IGF1R: variants seen among roughly 807,000 people sequenced by gnomAD.
IGF1R encodes insulin like growth factor 1 receptor.
In IGF1R, 44 loss-of-function variants were observed where a neutral mutation model predicts 144.6. That is an observed-to-expected ratio of 0.30 (90% CI 0.24 to 0.39). The LOEUF (loss-of-function observed/expected upper bound fraction) is 0.39. Among genes scored for constraint, IGF1R ranks in the 10% least tolerant of loss-of-function variants. The pLI, the probability that IGF1R is intolerant of heterozygous loss-of-function variation, is 1.00. For synonymous variants in IGF1R, 795 were observed against 722.8 expected (o/e 1.10, Z -1.60); for missense variants, 1,355 against 1,833.7 (o/e 0.74, Z 4.77).
chr15:98,744,708 G>A (rs1335521345), intron 2 of IGF1R, among the ~76,000 whole-genome samples: 1 of 152,084 alleles, frequency 6.6e-6, no homozygotes, highest in African/African-American at 2.4e-5. Context: ...AGCTTTGGAT[G>A]GTAAGAGGAA....
chr15:98,677,022 A>G (rs1289231186), intron 1 of IGF1R, among the ~76,000 whole-genome samples: 1 of 151,936 alleles, frequency 6.6e-6, no homozygotes, highest in Non-Finnish European at 1.5e-5. Context: ...TGCAGCCTTC[A>G]GCTCCTAGGC....
chr15:98,653,582 A>G (rs987745933), intron 1 of IGF1R, among the ~76,000 whole-genome samples: 1 of 152,242 alleles, frequency 6.6e-6, no homozygotes, highest in African/African-American at 2.4e-5. Flanking sequence ...GTATACAGTG[A>G]TTTTTATAAA....
intron 2 of IGF1R, among the ~76,000 whole-genome samples, chr15:98,779,025 A>T (rs150554180): frequency 8.1e-4 from 124 of 152,340 alleles, no homozygotes; most frequent in African/African-American, 2.8e-3. Context: ...AAATAAGATT[A>T]AAAATTATGT....
At position 98,648,562 on chromosome 15, in the gene IGF1R, G is replaced by GCGGCGC. The variant is rs1333201971; in HGVS notation, c.-1018_-1017insGCGCCG. On this transcript the variant is annotated 5_prime_UTR_variant, in exon 1 of 21. Coordinates refer to ENST00000650285, the MANE Select transcript of IGF1R (RefSeq NM_000875.5). ...CCAGTGTGTGGCAGCGGCGGCGGCG[G>GCGGCGC]CGCGGCGAGGCTGGGGCTCTTGTTT... Among the ~76,000 whole-genome samples, 1 of 145,950 alleles carries GCGGCGC rather than the reference G, an allele frequency of 6.9e-6. No individual in the cohort carries two copies. The highest frequency in any genetic ancestry group is 1.5e-5 in the Non-Finnish European group (1 of 65,750).
intron 2 of IGF1R, among the ~76,000 whole-genome samples, chr15:98,782,476 TCTA>T (rs2055882419): frequency 6.6e-6 from 1 of 152,226 alleles, no homozygotes; most frequent in Non-Finnish European, 1.5e-5. Context: ...ATGCATATGT[TCTA>T]CTGTATAATT....
In IGF1R at chr15:98,929,574, C is replaced by G. The variant is rs1157030342; in HGVS notation, c.2799C>G (p.Phe933Leu). Reference sequence around the variant, plus strand: ...TTGCTGCAGCAGGATATGAAAACTTCATCCATCTGATCATCGCTCTGCCCG... The same window carrying G: ...TTGCTGCAGCAGGATATGAAAACTTGATCCATCTGATCATCGCTCTGCCCG... ...YVQAKTGYEN[F>L]IHLIIALPVA... The change falls in exon 14 of 21, where the codon TTC (phenylalanine) becomes TTG (leucine). Residue 933 changes from phenylalanine (F) to leucine (L), a missense_variant. Physicochemically the swap from Phe to Leu is conservative, Grantham distance 22 (BLOSUM62 0). Transcript: ENST00000650285. 6.2e-7 allele frequency: 1 copy of G among 1,613,756 alleles called. No homozygotes were observed. Among genetic ancestry groups the G allele is most frequent in the Non-Finnish European group, 8.5e-7 (1 of 1,179,744 alleles).
chr15:98,765,035 G>A (rs908298209), intron 2 of IGF1R, among the ~76,000 whole-genome samples: 2 of 152,108 alleles, frequency 1.3e-5, no homozygotes, highest in African/African-American at 2.4e-5. Flanking sequence ...CACCTATTTT[G>A]CATAGTGCAT....
rs2015860569 is a variant in IGF1R at position 98,929,579 on chromosome 15, A to C, written c.2804A>C (p.His935Pro). Residue 935 changes from histidine to proline, a missense_variant, in exon 14 of 21, where the codon CAT (histidine) becomes CCT (proline). This residue lies in a region of IGF1R where 880 missense variants were observed against 1,202.7 expected (regional missense o/e 0.73). Coordinates refer to ENST00000650285, the MANE Select transcript of IGF1R (RefSeq NM_000875.5). ...GCAGCAGGATATGAAAACTTCATCC[A>C]TCTGATCATCGCTCTGCCCGTCGCT... ...QAKTGYENFI[H>P]LIIALPVAVL... 1 of 1,614,088 alleles carries C rather than the reference A, an allele frequency of 6.2e-7. No individual in the cohort carries two copies. The highest frequency in any genetic ancestry group is 1.1e-5 in the South Asian group (1 of 91,086).
At chr15:98,832,950 C>T (rs1472092554) in intron 2 of IGF1R, among the ~76,000 whole-genome samples, 1 of 152,188 alleles carries the variant, frequency 6.6e-6, no homozygotes, top group Non-Finnish European at 1.5e-5. Context: ...TACATTCTTT[C>T]ATGACTTTGT....
chr15:98,657,024 T>C (rs923494633), intron 1 of IGF1R, among the ~76,000 whole-genome samples: 1 of 152,254 alleles, frequency 6.6e-6, no homozygotes, highest in African/African-American at 2.4e-5. Context: ...TTATAGAGCA[T>C]AACTTGAAAT....
At chr15:98,868,405 C>T (rs2012586062) in intron 2 of IGF1R, among the ~76,000 whole-genome samples, 1 of 133,270 alleles carries the variant, frequency 7.5e-6, no homozygotes. Context: ...CCTGACAGAT[C>T]TTTAAGGCAT....
At chr15:98,681,416 G>A (rs1330984983) in intron 1 of IGF1R, among the ~76,000 whole-genome samples, 1 of 152,196 alleles carries the variant, frequency 6.6e-6, no homozygotes, top group African/African-American at 2.4e-5. Flanking sequence ...TGCAATGGGT[G>A]CAGGTAATGG....
rs562283833 is a variant in IGF1R at position 98,752,917 on chromosome 15, C to G, written c.640+44810C>G. On this transcript the variant is annotated intron_variant, in intron 2 of 20. Transcript: ENST00000650285. ...GATGAGATAAAGAATATGTTTAGGG[C>G]TGGAAAATCATACTATTTTTTTTTT... Among the ~76,000 whole-genome samples, 86 of 143,914 alleles carry G rather than the reference C, an allele frequency of 6.0e-4. No homozygotes were observed. The South Asian group carries it at 9.5e-3, about 16-fold the overall frequency. The allele number at this position is 143,914 out of a possible 152,430, so 94.4% of individuals were successfully genotyped here. A position where few individuals can be genotyped will look rare whatever the true frequency, so the allele number is the denominator to read the frequency against.
intron 20 of IGF1R, among the ~76,000 whole-genome samples, chr15:98,949,828 G>A (rs918125277): frequency 6.6e-5 from 10 of 152,182 alleles, no homozygotes; most frequent in African/African-American, 2.2e-4. Context: ...CTCTGTGTCC[G>A]TGGACGGTGC....
At chr15:98,761,669 T>A (rs537880234) in intron 2 of IGF1R, among the ~76,000 whole-genome samples, 2 of 152,342 alleles carry the variant, frequency 1.3e-5, no homozygotes, top group South Asian at 4.1e-4. Context: ...TCCAACCACA[T>A]TTCCATCCAG....
At chr15:98,747,204 TTG>T (rs879260975) in intron 2 of IGF1R, among the ~76,000 whole-genome samples, 25 of 87,734 alleles carry the variant, frequency 2.8e-4, no homozygotes, top group Non-Finnish European at 4.3e-4. Flanking sequence ...GTTGTTGTTG[TTG>T]TGTTTTTGAG....
chr15:98,875,124 C>T (rs1186798463), intron 2 of IGF1R, among the ~76,000 whole-genome samples: 1 of 152,100 alleles, frequency 6.6e-6, no homozygotes. Flanking sequence ...GTCCTCGGCT[C>T]CGGGACGAGG....
At chr15:98,928,745 T>C (rs977192822) in intron 13 of IGF1R, among the ~76,000 whole-genome samples, 2 of 152,154 alleles carry the variant, frequency 1.3e-5, no homozygotes, top group African/African-American at 4.8e-5. Context: ...TAATTTCCCA[T>C]GTCCCACAGA....
chr15:98,690,584 T>A (rs1392688502), intron 1 of IGF1R, among the ~76,000 whole-genome samples: 1 of 152,238 alleles, frequency 6.6e-6, no homozygotes, highest in Non-Finnish European at 1.5e-5. Context: ...AGCAGAATGA[T>A]CTTTGTTTTT....
Sources: gnomAD v4.1 joint callset for allele counts (sites outside exome capture counted in the v4.1 genomes callset) on GRCh38, gnomAD v4.1.1 for gene constraint, gnomAD v4.1.1 regional missense constraint, MANE v1.5 for transcripts, NCBI Gene and HGNC (gene_info 2026-07-23, HGNC 2026-07-21) for gene names.